TEP1: variants seen among roughly 807,000 people sequenced by gnomAD.
The protein encoded by TEP1 is telomerase associated protein 1.
Under a neutral mutation model 306.3 loss-of-function variants are expected in TEP1, and 241 were observed. That is an observed-to-expected ratio of 0.79 (90% CI 0.71 to 0.88). The LOEUF (loss-of-function observed/expected upper bound fraction) is 0.88, where lower values mean the gene tolerates loss of function less well. Ranked by LOEUF, TEP1 falls within the 40% of genes least tolerant of loss-of-function variation. The probability of loss-of-function intolerance (pLI) is 0.00; values close to 1 mark genes in which losing one functional copy is unlikely to be tolerated. For missense variants in TEP1, 3,051 were observed against 3,276.1 expected, an observed-to-expected ratio of 0.93 and a Z score of 1.68; for synonymous variants, 1,289 against 1,305.5, an observed-to-expected ratio of 0.99 and a Z score of 0.27.
intron 29 of TEP1, 60 bp downstream of exon 29, chr14:20,382,164 A>T: frequency 6.2e-7 from 1 of 1,613,070 alleles, no homozygotes; most frequent in Non-Finnish European, 8.5e-7. Flanking sequence ...ACCCCAAGGG[A>T]ACCAATGTAA....
chr14:20,383,648 T>A lies in TEP1; in HGVS notation c.3711-4A>T, dbSNP rs746032963. 5.8e-5 allele frequency: 94 copies of A among 1,612,470 alleles called. No individual in the cohort carries two copies. Among genetic ancestry groups the A allele is most frequent in the Admixed American group, 1.2e-4 (7 of 59,752 alleles). On this transcript the variant is annotated splice_region_variant and splice_polypyrimidine_tract_variant and intron_variant, in intron 25 of 54. Transcript: ENST00000262715. Reference sequence around the variant, plus strand: ...CTGCAGCTCCCACACCAGGCTTCTGTACATGGAGAGGAAGTCAGGGTCAGT... The same window carrying A: ...CTGCAGCTCCCACACCAGGCTTCTGAACATGGAGAGGAAGTCAGGGTCAGT...
chr14:20,383,554 C>T lies in TEP1; in HGVS notation c.3801G>A (p.Gly1267=). ...CATTCTGGTCCACTAACCTATCAGCCCCATCGATGATCAGGACCTGGGTCT... is the reference window on the plus strand; with the variant it reads ...CATTCTGGTCCACTAACCTATCAGCTCCATCGATGATCAGGACCTGGGTCT... The part of the protein sequence containing the change: ...PGQTQVLIID[G]ADRLVDQNGQ... Residue 1267 remains glycine, a synonymous_variant, in exon 26 of 55, where the codon GGG becomes GGA. Coordinates refer to ENST00000262715, the MANE Select transcript of TEP1 (RefSeq NM_007110.5). 1 of 1,614,222 alleles carries T rather than the reference C, an allele frequency of 6.2e-7. No individual in the cohort carries two copies. Among genetic ancestry groups the T allele is most frequent in the Non-Finnish European group, 8.5e-7 (1 of 1,180,042 alleles).
intron 27 of TEP1, 89 bp from the exon 28 acceptor site, chr14:20,382,804 T>C: frequency 7.9e-7 from 1 of 1,259,496 alleles, no homozygotes; most frequent in Admixed American, 1.8e-5. Context: ...GCCAGGCAGC[T>C]CCTCCTCTGA....
chr14:20,387,798 T>C (rs1279775416), intron 18 of TEP1, 107 bp downstream of exon 18: 1 of 1,365,272 alleles, frequency 7.3e-7, no homozygotes, highest in African/African-American at 1.5e-5. Context: ...CATGCCTTCA[T>C]GAAGAGAACA....
intron 49 of TEP1, 59 bp from the exon 50 acceptor site, chr14:20,371,691 C>A: frequency 6.7e-7 from 1 of 1,496,800 alleles, no homozygotes; most frequent in Non-Finnish European, 8.9e-7. Flanking sequence ...CTTTCTCAGG[C>A]TCCTCAATCC....
chr14:20,388,039 G>A lies in TEP1; in HGVS notation c.2550C>T (p.Ser850=). ...ILKFIAEHGA[S]HLLEHVGQMD... is the part of the protein sequence containing the mutation. ...TTTGGCCCACATGTTCCAGAAGATG[G>A]GAGGCCCCATGCTCTGCAATGAACC... is the stretch of plus-strand genomic sequence containing the variant. Residue 850 remains serine (S), a synonymous_variant, in exon 18 of 55, where the codon TCC becomes TCT. Coordinates refer to ENST00000262715, the MANE Select transcript of TEP1 (RefSeq NM_007110.5). 1 of 1,614,088 alleles carries A rather than the reference G, an allele frequency of 6.2e-7. No homozygotes were observed. The highest frequency in any genetic ancestry group is 8.5e-7 in the Non-Finnish European group (1 of 1,180,004).
At chr14:20,405,047 A>G (rs748326672) in intron 4 of TEP1, among the ~76,000 whole-genome samples, 2 of 152,174 alleles carry the variant, frequency 1.3e-5, no homozygotes, top group Non-Finnish European at 2.9e-5. Context: ...CTGCATCAAC[A>G]GCTATCAAAA....
chr14:20,383,402 C>A lies in TEP1; in HGVS notation c.3868-49G>T, dbSNP rs570921974. 2.5e-6 allele frequency: 4 copies of A among 1,602,242 alleles called. No individual in the cohort carries two copies. In the African/African-American group the frequency reaches 5.4e-5, roughly 21 times the overall value. Reference sequence around the variant, plus strand: ...AGGAAGGTAGAAAGAAAAGGAGAACCACATTGGAGAGGCCTCTCTCCTCCG... The same window carrying A: ...AGGAAGGTAGAAAGAAAAGGAGAACAACATTGGAGAGGCCTCTCTCCTCCG... On this transcript the variant is annotated intron_variant, in intron 26 of 54. Coordinates refer to ENST00000262715, the MANE Select transcript of TEP1 (RefSeq NM_007110.5).
rs760748568 is a variant in TEP1 at position 20,403,434 on chromosome 14, T to C, written c.1209A>G (p.Pro403=). Residue 403 remains proline (P), a synonymous_variant, in exon 7 of 55, where the codon CCA becomes CCG. Transcript: ENST00000262715. ...ACCTTGGAAAACATCTGTGAGAAAA[T>C]GGAGGCTCCATCCCCTGTAGGGACA... is the stretch of plus-strand genomic sequence containing the variant. The part of the protein sequence containing the change: ...RPPRSPGMEP[P]FSHRCFPRYI... 33 of 1,613,892 alleles carry C rather than the reference T, an allele frequency of 2.0e-5. No individual in the cohort carries two copies. The South Asian group carries it at 3.5e-4, about 17-fold the overall frequency.
At chr14:20,386,341 C>T in intron 19 of TEP1, 106 bp downstream of exon 19, 3 of 1,576,640 alleles carry the variant, frequency 1.9e-6, no homozygotes, top group Non-Finnish European at 2.6e-6. Context: ...GAGCGACTCC[C>T]GCCTTCACCC....
intron 10 of TEP1, 114 bp downstream of exon 10, chr14:20,396,507 G>A: frequency 1.3e-6 from 1 of 761,374 alleles, no homozygotes; most frequent in Non-Finnish European, 2.1e-6. Context: ...GAAACAGCTT[G>A]AGGGCCGTAC....
intron 54 of TEP1, 40 bp downstream of exon 54, chr14:20,368,758 G>A (rs1566434315): frequency 1.5e-6 from 2 of 1,340,106 alleles, no homozygotes; most frequent in Admixed American, 2.1e-5. Context: ...AGGTGTGCAG[G>A]CGCACGCACA....
chr14:20,391,797 G>A (rs1044278951), intron 12 of TEP1, 30 bp from the exon 13 acceptor site: 2 of 1,608,866 alleles, frequency 1.2e-6, no homozygotes, highest in Admixed American at 1.7e-5. Context: ...AGACACAGGG[G>A]CTCAGGGACT....
intron 19 of TEP1, 44 bp from the exon 20 acceptor site, chr14:20,386,239 T>C (rs1486799687): frequency 6.2e-7 from 1 of 1,612,502 alleles, no homozygotes; most frequent in African/African-American, 1.3e-5. Context: ...ACTGGGGGCA[T>C]GGTATCAGGG....
Position 20,372,599 on chromosome 14 carries a change from C to T in TEP1, c.7076+134G>A, listed in dbSNP as rs1884914079. On this transcript the variant is annotated intron_variant, in intron 49 of 54. Coordinates refer to ENST00000262715, the MANE Select transcript of TEP1 (RefSeq NM_007110.5). ...TCATTTACATTGCCATGGACAGAAG[C>T]AGAAAATAATGTCCCACTCAGTAAC... is the stretch of plus-strand genomic sequence containing the variant. 6 of 1,369,050 alleles carry T rather than the reference C, an allele frequency of 4.4e-6. No homozygotes were observed. In the Admixed American group the frequency reaches 7.3e-5, roughly 17 times the overall value. The allele number at this position is 1,369,050 out of a possible 1,614,324, so 84.8% of individuals were successfully genotyped here. A position where few individuals can be genotyped will look rare whatever the true frequency, so the allele number is the denominator to read the frequency against.
Position 20,404,727 on chromosome 14 carries a change from T to C in TEP1, c.916A>G (p.Asn306Asp). The C allele has an allele frequency of 6.2e-7, 1 of 1,614,020 alleles. No individual in the cohort carries two copies. Among genetic ancestry groups the C allele is most frequent in the East Asian group, 2.2e-5 (1 of 44,874 alleles). Residue 306 changes from asparagine (N) to aspartate (D), a missense_variant, in exon 5 of 55, where the codon AAT becomes GAT. Physicochemically the swap from Asn to Asp is conservative, Grantham distance 23 (BLOSUM62 1). Coordinates refer to ENST00000262715, the MANE Select transcript of TEP1 (RefSeq NM_007110.5). ...AAAGCAGCAATGGCCAAGATGTTATTGGCCACATTCCGGACGTTCAGCTGC... is the reference window on the plus strand; with the variant it reads ...AAAGCAGCAATGGCCAAGATGTTATCGGCCACATTCCGGACGTTCAGCTGC... ...RQQLNVRNVA[N>D]NILAIAAFLP...
At chr14:20,392,121 AAACTGGCAATTAAAGGAGAAT>A (rs1877781188) in intron 12 of TEP1, among the ~76,000 whole-genome samples, 1 of 152,260 alleles carries the variant, frequency 6.6e-6, no homozygotes. Context: ...CTTACTCTGA[AAACTGGCAATTAAAGGAGAAT>A]AAATTGAATA....
At position 20,374,399 on chromosome 14, in the gene TEP1, C is replaced by G. The variant is rs373837405; in HGVS notation, c.6471+30G>C. ...AAGCCCCCTTAGCCCTTCCAGAGAC[C>G]CCCCAGTGGGATCTCCATTGCTTTC... On this transcript the variant is annotated intron_variant, in intron 44 of 54. Coordinates refer to ENST00000262715, the MANE Select transcript of TEP1 (RefSeq NM_007110.5). 54 of 1,556,742 alleles carry G rather than the reference C, an allele frequency of 3.5e-5. No individual in the cohort carries two copies. The African/African-American group carries it at 6.4e-4, about 18-fold the overall frequency.
chr14:20,377,776 A>AAGGATACCACCTCCACCATTT, intron 39 of TEP1, 23 bp from the exon 40 acceptor site: 1 of 1,611,622 alleles, frequency 6.2e-7, no homozygotes, highest in Non-Finnish European at 8.5e-7. Context: ...AAAAGGGCTT[A>AAGGATACCACCTCCACCATTT]AGGATACCAC....
Sources: allele counts gnomAD v4.1 joint callset (sites outside exome capture counted in the v4.1 genomes callset), GRCh38; gene constraint gnomAD v4.1.1; transcripts MANE v1.5; gene names NCBI Gene and HGNC (gene_info 2026-07-23, HGNC 2026-07-21).